PRKAR2A: variants seen among roughly 807,000 people sequenced by gnomAD.
PRKAR2A encodes protein kinase cAMP-dependent type II regulatory subunit alpha.
Under a neutral mutation model 51.9 loss-of-function variants are expected in PRKAR2A, and 29 were observed. The observed-to-expected ratio is 0.56, with a 90% confidence interval of 0.42 to 0.76. The LOEUF (loss-of-function observed/expected upper bound fraction) is 0.76. Ranked by LOEUF, PRKAR2A falls within the 30% of genes least tolerant of loss-of-function variation. The pLI, the probability that PRKAR2A is intolerant of heterozygous loss-of-function variation, is 0.00. For missense variants in PRKAR2A, 445 were observed against 512.1 expected, an observed-to-expected ratio of 0.87 and a Z score of 1.26; for synonymous variants, 178 against 186.2, an observed-to-expected ratio of 0.96 and a Z score of 0.36.
chr3:48,783,496 T>C (rs2082236059), intron 4 of PRKAR2A, among the ~76,000 whole-genome samples: 1 of 152,208 alleles, frequency 6.6e-6, no homozygotes, highest in African/African-American at 2.4e-5. Context: ...AGGGCTGCTA[T>C]GGCCTTAGAG....
Position 48,847,686 on chromosome 3 carries a change from C to T in PRKAR2A, c.-90G>A. On this transcript the variant is annotated 5_prime_UTR_variant, in exon 1 of 11. Coordinates refer to ENST00000265563, the MANE Select transcript of PRKAR2A (RefSeq NM_004157.4). This position sits in a 1 kb window ranked among gnomAD's most constrained non-coding sequence, Gnocchi z 4.4. The stretch of plus-strand genomic sequence containing the variant: ...ACGCCGGCCTTTCGCTCCGCGCCCG[C>T]GAGGTCTCTTCGCGCACGGCCCCGG... The T allele has an allele frequency of 7.7e-7, 1 of 1,291,120 alleles. No individual in the cohort carries two copies. The highest frequency in any genetic ancestry group is 3.1e-5 in the East Asian group (1 of 32,336). 80.0% of individuals were successfully genotyped at this position (1,291,120 alleles called of 1,614,324 possible). A position where few individuals can be genotyped will look rare whatever the true frequency, so the allele number is the denominator to read the frequency against.
intron 4 of PRKAR2A, among the ~76,000 whole-genome samples, chr3:48,784,641 T>A (rs2082257733): frequency 1.3e-5 from 2 of 152,236 alleles, no homozygotes; most frequent in South Asian, 4.1e-4. Context: ...TCATGAGATA[T>A]AGAATAACAG....
At chr3:48,791,606 A>AAG (rs1469928194) in intron 3 of PRKAR2A, among the ~76,000 whole-genome samples, 17 of 147,434 alleles carry the variant, frequency 1.2e-4, no homozygotes, top group Non-Finnish European at 2.4e-4. Flanking sequence ...AAAAAAAAAA[A>AAG]AAAAAAAAAG....
chr3:48,759,926 A>T (rs2107215893), intron 8 of PRKAR2A, among the ~76,000 whole-genome samples: 1 of 152,356 alleles, frequency 6.6e-6, no homozygotes, highest in Admixed American at 6.5e-5. Flanking sequence ...GGTTTAATGC[A>T]ATGGTACTTT....
At chr3:48,813,663 C>T (rs924502618) in intron 1 of PRKAR2A, among the ~76,000 whole-genome samples, 1 of 151,576 alleles carries the variant, frequency 6.6e-6, no homozygotes, top group Non-Finnish European at 1.5e-5. Flanking sequence ...CACTGCACTC[C>T]AGCCTGGGCA....
At chr3:48,800,138 G>A (rs2082563045) in intron 2 of PRKAR2A, among the ~76,000 whole-genome samples, 2 of 151,652 alleles carry the variant, frequency 1.3e-5, no homozygotes, top group African/African-American at 2.4e-5. Context: ...GATTACAGGC[G>A]TGAGCCACCA....
chr3:48,775,439 AAAC>A, intron 5 of PRKAR2A, among the ~76,000 whole-genome samples: 2 of 151,118 alleles, frequency 1.3e-5, no homozygotes, highest in South Asian at 4.2e-4. Context: ...CTCTGTCTCA[AAAC>A]AAACAAACAA....
In PRKAR2A at chr3:48,830,426, C is replaced by T. The variant is rs372826291; in HGVS notation, c.262+16909G>A. Among the ~76,000 whole-genome samples the T allele has an allele frequency of 2.0e-5, 3 of 152,146 alleles. No homozygotes were observed. The South Asian group carries it at 6.2e-4, about 31-fold the overall frequency. The stretch of plus-strand genomic sequence containing the variant: ...TCTTCTGGAATACCATTTGAAGGAC[C>T]TGCCTGAGGCTGTTTTACAATTAAC... On this transcript the variant is annotated intron_variant, in intron 1 of 10. Coordinates refer to ENST00000265563, the MANE Select transcript of PRKAR2A (RefSeq NM_004157.4).
At position 48,847,833 on chromosome 3, in the gene PRKAR2A, CGGGCAGGCGAGCTGGACGGGCG is replaced by C. The variant is rs1254067365; in HGVS notation, c.-259_-238del. 12 of 375,974 alleles carry C rather than the reference CGGGCAGGCGAGCTGGACGGGCG, an allele frequency of 3.2e-5. No homozygotes were observed. In the East Asian group the frequency reaches 4.6e-4, roughly 14 times the overall value. The allele number at this position is 375,974 out of a possible 1,614,324, so 23.3% of individuals were successfully genotyped here. On this transcript the variant is annotated 5_prime_UTR_variant, in exon 1 of 11. Coordinates refer to ENST00000265563, the MANE Select transcript of PRKAR2A (RefSeq NM_004157.4). This position sits in a 1 kb window ranked among gnomAD's most constrained non-coding sequence, Gnocchi z 4.4. The stretch of plus-strand genomic sequence containing the variant: ...CAGCCGCCGCCGCCGCGGGGACCGA[CGGGCAGGCGAGCTGGACGGGCG>C]GGGCAGGCGTCCTGGTTGTGACGCA...
intron 1 of PRKAR2A, among the ~76,000 whole-genome samples, chr3:48,825,884 T>C (rs2083055105): frequency 6.6e-6 from 1 of 152,138 alleles, no homozygotes; most frequent in Admixed American, 6.6e-5. Context: ...ACTCTAGAAG[T>C]TAAAAGGCAA....
intron 1 of PRKAR2A, 84 bp from the exon 2 acceptor site, chr3:48,807,768 A>G (rs754156561): frequency 9.3e-5 from 107 of 1,154,956 alleles, no homozygotes; most frequent in Non-Finnish European, 1.3e-4. Context: ...AGTCTTTTAC[A>G]ATAGACCTAA....
Position 48,794,564 on chromosome 3 carries a change from G to C in PRKAR2A, c.299-515C>G, listed in dbSNP as rs547991214. Among the ~76,000 whole-genome samples, 3 of 151,886 alleles carry C rather than the reference G, an allele frequency of 2.0e-5. No individual in the cohort carries two copies. The South Asian group carries it at 6.3e-4, about 32-fold the overall frequency. ...ACAAAAATTAGCTGGGCGTGGTGGT[G>C]TGCGCCTGTAGTCCCAGCTACTCGG... On this transcript the variant is annotated intron_variant, in intron 2 of 10. Coordinates refer to ENST00000265563, the MANE Select transcript of PRKAR2A (RefSeq NM_004157.4).
At chr3:48,808,247 TTTTTGTTTTG>T (rs1227797121) in intron 1 of PRKAR2A, among the ~76,000 whole-genome samples, 5 of 150,136 alleles carry the variant, frequency 3.3e-5, no homozygotes, top group South Asian at 2.1e-4. Flanking sequence ...GGGTTTTTTG[TTTTTGTTTTG>T]TTTTGTTTTG....
chr3:48,775,321 C>T (rs971448949), intron 5 of PRKAR2A, among the ~76,000 whole-genome samples: 7 of 151,548 alleles, frequency 4.6e-5, no homozygotes, highest in South Asian at 4.2e-4. Flanking sequence ...GCCTGTAATT[C>T]CAGCTACTCG....
Position 48,752,916 on chromosome 3 carries a change from C to CTTTTTTT in PRKAR2A, c.940-606_940-600dup, listed in dbSNP as rs59163654. Among the ~76,000 whole-genome samples, 44 of 47,552 alleles carry CTTTTTTT rather than the reference C, an allele frequency of 9.3e-4. 3 individuals carry two copies. Among genetic ancestry groups the CTTTTTTT allele is most frequent in the Non-Finnish European group, 1.4e-3 (40 of 28,398 alleles). The allele number at this position is 47,552 out of a possible 152,430, so 31.2% of individuals were successfully genotyped here. On this transcript the variant is annotated intron_variant, in intron 9 of 10. Coordinates refer to ENST00000265563, the MANE Select transcript of PRKAR2A (RefSeq NM_004157.4). ...ACCTTAAGTTAGTGGTTCCCTCCTCCTTTTTTTTTTTTTTTTTTTTTTTTT... is the reference window on the plus strand; with the variant it reads ...ACCTTAAGTTAGTGGTTCCCTCCTCCTTTTTTTTTTTTTTTTTTTTTTTTTTTTTTTT...
intron 5 of PRKAR2A, among the ~76,000 whole-genome samples, chr3:48,781,943 G>T (rs12496747): frequency 0.11 from 16,436 of 152,188 alleles, 2,840 homozygotes; most frequent in East Asian, 0.75. Context: ...ACCGCACCAG[G>T]CCTATGATTA....
At position 48,749,287 on chromosome 3, in the gene PRKAR2A, A is replaced by C. The variant is rs1382062117; in HGVS notation, c.*2298T>G. On this transcript the variant is annotated 3_prime_UTR_variant, in exon 11 of 11. Coordinates refer to ENST00000265563, the MANE Select transcript of PRKAR2A (RefSeq NM_004157.4). ...GATTCTAAGTTATTCTGAAGGAAAAAAAAATTATTCTGAAATATACCTTAT... is the reference window on the plus strand; with the variant it reads ...GATTCTAAGTTATTCTGAAGGAAAACAAAATTATTCTGAAATATACCTTAT... The C allele has an allele frequency of 6.6e-6, 1 of 152,184 alleles. No individual in the cohort carries two copies. The highest frequency in any genetic ancestry group is 1.5e-5 in the Non-Finnish European group (1 of 68,034). The allele number at this position is 152,184 out of a possible 1,614,324, so 9.4% of individuals were successfully genotyped here. A position where few individuals can be genotyped will look rare whatever the true frequency, so the allele number is the denominator to read the frequency against.
In PRKAR2A at chr3:48,751,482, G is replaced by C; in HGVS notation, c.*103C>G. ...AACCACAGCAATGGCAGCAGTGGCG[G>C]CAACGGCAGGAACAGTTCTGTCATG... is the stretch of plus-strand genomic sequence containing the variant. On this transcript the variant is annotated 3_prime_UTR_variant, in exon 11 of 11. Coordinates refer to ENST00000265563, the MANE Select transcript of PRKAR2A (RefSeq NM_004157.4). 6.6e-7 allele frequency: 1 copy of C among 1,509,540 alleles called. No individual in the cohort carries two copies. Among genetic ancestry groups the C allele is most frequent in the East Asian group, 2.4e-5 (1 of 42,072 alleles). 93.5% of individuals were successfully genotyped at this position (1,509,540 alleles called of 1,614,324 possible).
chr3:48,833,138 G>A (rs2083222049), intron 1 of PRKAR2A, among the ~76,000 whole-genome samples: 1 of 152,128 alleles, frequency 6.6e-6, no homozygotes, highest in South Asian at 2.1e-4. Flanking sequence ...TGGGCTCAAA[G>A]AATCCTCCTT....
Sources: allele counts gnomAD v4.1 joint callset (sites outside exome capture counted in the v4.1 genomes callset), GRCh38; gene constraint gnomAD v4.1.1; non-coding constraint Gnocchi (gnomAD v3.1); transcripts MANE v1.5; gene names NCBI Gene and HGNC (gene_info 2026-07-23, HGNC 2026-07-21).